The following RFC3 variants were observed in gnomAD, a reference collection of about 807,000 sequenced individuals.
The protein encoded by RFC3 is A1 38 kDa subunit.
RFC3 carries 41 observed loss-of-function variants against 45.1 expected under a neutral mutation model. The ratio of observed to expected loss-of-function variants is 0.91; its 90% confidence interval spans 0.71 to 1.18. The LOEUF is 1.18. Ranked by LOEUF, RFC3 falls within the 50% of genes most tolerant of loss-of-function variation. The probability of loss-of-function intolerance (pLI) is 0.00; values close to 1 mark genes in which losing one functional copy is unlikely to be tolerated. For missense variants in RFC3, 423 were observed against 428.1 expected (o/e 0.99, Z 0.10); for synonymous variants, 149 against 144.0 (o/e 1.03, Z -0.25).
rs576628313 is a variant in RFC3, at chr13:33,966,426, GA to G, written c.*302del. ...GAGGACAATAAATTTGATGAATGGG[GA>G]CCATGGAAGTTTATTTCCATCTGTA... is the stretch of plus-strand genomic sequence containing the variant. On this transcript the variant is annotated 3_prime_UTR_variant, in exon 9 of 9. Coordinates refer to the RFC3 transcript ENST00000434425. 6.9e-4 allele frequency: 279 copies of G among 406,620 alleles called. 2 individuals are homozygous for G. The highest frequency in any genetic ancestry group is 5.0e-3 in the African/African-American group (253 of 51,104). 25.2% of individuals were successfully genotyped at this position (406,620 alleles called of 1,614,324 possible). A position where few individuals can be genotyped will look rare whatever the true frequency, so the allele number is the denominator to read the frequency against.
Position 33,831,256 on chromosome 13 carries a change from A to C in RFC3, c.711A>C (p.Gln237His). The change falls in exon 7 of 9, where the codon CAA becomes CAC. Residue 237 changes from glutamine (Q) to histidine (H), a missense_variant and splice_region_variant. By Grantham distance (24) the Gln-to-His change is conservative (BLOSUM62 0). Coordinates refer to ENST00000380071, the MANE Select transcript of RFC3 (RefSeq NM_002915.4). ...LLMCEACRVQ[Q>H]YPFTADQEIP... ...CTTGTGTTCTCTTTTTGTCATGTAG[A>C]TATCCTTTTACTGCAGATCAAGAAA... 1.3e-6 allele frequency: 2 copies of C among 1,566,256 alleles called. No homozygotes were observed. The highest frequency in any genetic ancestry group is 1.8e-6 in the Non-Finnish European group (2 of 1,136,532).
intron 2 of RFC3, among the ~76,000 whole-genome samples, chr13:33,821,910 G>A (rs1025615574): frequency 9.2e-5 from 14 of 152,066 alleles, no homozygotes; most frequent in Admixed American, 8.5e-4. Flanking sequence ...GTTTTGCTTT[G>A]GTTGTAGTAG....
At chr13:33,877,009 T>C (rs559849327) in intron 8 of RFC3, among the ~76,000 whole-genome samples, 100 of 152,334 alleles carry the variant, frequency 6.6e-4, no homozygotes, top group African/African-American at 2.3e-3. Context: ...TATTGCAATT[T>C]TGCTTTCCTG....
chr13:33,882,355 C>T (rs183005725), intron 8 of RFC3, among the ~76,000 whole-genome samples: 4 of 151,898 alleles, frequency 2.6e-5, no homozygotes, highest in Admixed American at 1.3e-4. Context: ...ATAGTCAGGA[C>T]GCATAACTGC....
chr13:33,929,410 A>G (rs995103668), intron 8 of RFC3, among the ~76,000 whole-genome samples: 2 of 152,150 alleles, frequency 1.3e-5, no homozygotes, highest in Admixed American at 1.3e-4. Context: ...TACTTTCTTT[A>G]TAGAGATTTA....
At position 33,835,045 on chromosome 13, in the gene RFC3, A is replaced by G. The variant is rs138529478; in HGVS notation, c.810-103A>G. 473 of 671,106 alleles carry G rather than the reference A, an allele frequency of 7.0e-4. 1 individual carries two copies. In the African/African-American group the frequency reaches 7.8e-3, roughly 11 times the overall value. 41.6% of individuals were successfully genotyped at this position (671,106 alleles called of 1,614,324 possible). A position where few individuals can be genotyped will look rare whatever the true frequency, so the allele number is the denominator to read the frequency against. On this transcript the variant is annotated intron_variant, in intron 7 of 8. Coordinates refer to ENST00000380071, the MANE Select transcript of RFC3 (RefSeq NM_002915.4). ...TAGGTCATAAAGTTGTTAATTCTGT[A>G]TTGGATTGTTTGTTAATTCATAAAG... is the stretch of plus-strand genomic sequence containing the variant.
chr13:33,949,377 G>C (rs1160883762), intron 8 of RFC3, among the ~76,000 whole-genome samples: 1 of 152,156 alleles, frequency 6.6e-6, no homozygotes, highest in Non-Finnish European at 1.5e-5. Context: ...GTCTCAGGCA[G>C]TTCTTTATAG....
intron 8 of RFC3, among the ~76,000 whole-genome samples, chr13:33,877,685 T>C (rs2082457436): frequency 6.7e-6 from 1 of 149,620 alleles, no homozygotes; most frequent in South Asian, 2.1e-4. Flanking sequence ...ATTATAAACA[T>C]TTTATAATAG....
chr13:33,964,029 C>T (rs573346812), intron 8 of RFC3, among the ~76,000 whole-genome samples: 5 of 152,248 alleles, frequency 3.3e-5, no homozygotes, highest in East Asian at 1.9e-4. Flanking sequence ...ATGATGAAAT[C>T]GCTGCAGTAA....
At chr13:33,897,585 A>G (rs1471009236) in intron 8 of RFC3, among the ~76,000 whole-genome samples, 3 of 152,234 alleles carry the variant, frequency 2.0e-5, no homozygotes, top group Non-Finnish European at 1.5e-5. Flanking sequence ...TTAACACTTA[A>G]TGTAAATAGA....
chr13:33,883,987 C>G (rs1002048443), intron 8 of RFC3, among the ~76,000 whole-genome samples: 2 of 152,050 alleles, frequency 1.3e-5, no homozygotes, highest in South Asian at 2.1e-4. Flanking sequence ...GGGTTTGTCA[C>G]CAATGTGTAG....
At chr13:33,826,766 T>G (rs1292883525) in intron 4 of RFC3, among the ~76,000 whole-genome samples, 2 of 152,178 alleles carry the variant, frequency 1.3e-5, no homozygotes, top group Non-Finnish European at 2.9e-5. Flanking sequence ...AGATGTATAT[T>G]AATGTAATCT....
At chr13:33,842,955 C>A (rs944400137) in intron 8 of RFC3, among the ~76,000 whole-genome samples, 1 of 152,114 alleles carries the variant, frequency 6.6e-6, no homozygotes, top group African/African-American at 2.4e-5. Flanking sequence ...GTATACATCA[C>A]AACAGAAACT....
chr13:33,875,694 G>T (rs1258780356), intron 8 of RFC3, among the ~76,000 whole-genome samples: 3 of 152,048 alleles, frequency 2.0e-5, no homozygotes, highest in Non-Finnish European at 2.9e-5. Flanking sequence ...TTCAAGGCTC[G>T]GGGGCCCTCT....
downstream of RFC3, among the ~76,000 whole-genome samples, chr13:33,840,950 A>G (rs762866161): frequency 4.6e-5 from 7 of 152,324 alleles, no homozygotes; most frequent in Non-Finnish European, 1.0e-4. Context: ...AAATGTAAAC[A>G]AATGTAAAAT....
chr13:33,824,405 G>A (rs113611156), intron 3 of RFC3, among the ~76,000 whole-genome samples: 2 of 152,050 alleles, frequency 1.3e-5, no homozygotes, highest in Admixed American at 1.3e-4. Flanking sequence ...TTGATTAGAG[G>A]TATTATAATA....
chr13:33,835,548 A>G (rs1206192013), intron 8 of RFC3: 1 of 487,588 alleles, frequency 2.1e-6, no homozygotes, highest in Non-Finnish European at 3.9e-6. Context: ...AAAAAAGTGA[A>G]GTTCCACCCA....
intron 8 of RFC3, among the ~76,000 whole-genome samples, chr13:33,904,010 CA>C (rs2082657266): frequency 6.6e-6 from 1 of 152,076 alleles, no homozygotes; most frequent in African/African-American, 2.4e-5. Context: ...TGCATGCCCA[CA>C]AGGCTGTTTC....
intron 8 of RFC3, among the ~76,000 whole-genome samples, chr13:33,927,234 TA>T (rs112241029): frequency 0.11 from 15,062 of 140,638 alleles, 1,299 homozygotes; most frequent in African/African-American, 0.24. Context: ...TTAAAGCAGT[TA>T]AAAAAAAAAA....
Sources: allele counts gnomAD v4.1 joint callset (sites outside exome capture counted in the v4.1 genomes callset), GRCh38; gene constraint gnomAD v4.1.1; transcripts MANE v1.5; gene names NCBI Gene and HGNC (gene_info 2026-07-23, HGNC 2026-07-21).